Variants in ADCY9 observed in about 807,000 individuals in gnomAD.
ADCY9 encodes adenylate cyclase 9.
A neutral mutation model predicts 101.5 loss-of-function variants in ADCY9; 50 were observed. That is an observed-to-expected ratio of 0.49 (90% CI 0.39 to 0.62). The LOEUF (loss-of-function observed/expected upper bound fraction) is 0.62, where lower values mean the gene tolerates loss of function less well. ADCY9 is among the 20% of genes least tolerant of loss of function. ADCY9 has a pLI of 0.00. For missense variants in ADCY9, 1,662 were observed against 1,800.4 expected (o/e 0.92, Z 1.39); for synonymous variants, 905 against 769.3 (o/e 1.18, Z -2.92).
chr16:4,014,267 C>T (rs926217670), intron 2 of ADCY9, among the ~76,000 whole-genome samples: 3 of 148,376 alleles, frequency 2.0e-5, no homozygotes, highest in Non-Finnish European at 3.0e-5. Context: ...TGCAGTCAGC[C>T]GAGATCGCAC....
At chr16:4,039,634 G>C (rs559389502) in intron 2 of ADCY9, among the ~76,000 whole-genome samples, 1 of 139,344 alleles carries the variant, frequency 7.2e-6, no homozygotes, top group Non-Finnish European at 1.5e-5. Context: ...AGCCGAGATC[G>C]CACCATTTCA....
chr16:4,094,658 A>G (rs2056992073), intron 2 of ADCY9, among the ~76,000 whole-genome samples: 1 of 152,144 alleles, frequency 6.6e-6, no homozygotes, highest in Non-Finnish European at 1.5e-5. Flanking sequence ...GAAGAAAGAA[A>G]AGGAAAAATG....
At chr16:4,073,499 G>A (rs1227550643) in intron 2 of ADCY9, among the ~76,000 whole-genome samples, 3 of 150,182 alleles carry the variant, frequency 2.0e-5, no homozygotes, top group African/African-American at 7.4e-5. Context: ...GGGTTCAAAT[G>A]ACTCTCCTGC....
At chr16:4,000,170 C>A (rs76714069) in intron 3 of ADCY9, among the ~76,000 whole-genome samples, 17 of 152,340 alleles carry the variant, frequency 1.1e-4, no homozygotes, top group African/African-American at 4.1e-4. Flanking sequence ...ACCACAAACA[C>A]AATTTCCTGA....
chr16:4,009,178 C>T (rs1173519864), intron 2 of ADCY9, among the ~76,000 whole-genome samples: 4 of 152,170 alleles, frequency 2.6e-5, no homozygotes, highest in South Asian at 2.1e-4. Context: ...CAGCCTAGAA[C>T]GTAGCCAGGT....
At chr16:3,979,370 G>T in intron 7 of ADCY9, 95 bp from the exon 8 acceptor site, 1 of 1,429,376 alleles carries the variant, frequency 7.0e-7, no homozygotes. Context: ...GCCGCCCTCT[G>T]CTCTCTCCCG....
At chr16:3,971,134 C>G (rs988355694) in intron 10 of ADCY9, among the ~76,000 whole-genome samples, 7 of 152,084 alleles carry the variant, frequency 4.6e-5, no homozygotes, top group African/African-American at 1.7e-4. Flanking sequence ...GGCGGGAGAC[C>G]TGAACAGCCC....
rs763207375 is a variant in ADCY9, at chr16:4,114,141, C to T, written c.1302G>A (p.Lys434=). 5 of 1,613,918 alleles carry T rather than the reference C, an allele frequency of 3.1e-6. No homozygotes were observed. The South Asian group carries it at 4.4e-5, about 14-fold the overall frequency. Reference sequence around the variant, plus strand: ...CTCCCAGGGTGCTGATTTTCTCACACTTGGTCTCCTCACACAGGCGGTCGA... The same window carrying T: ...CTCCCAGGGTGCTGATTTTCTCACATTTGGTCTCCTCACACAGGCGGTCGA... ...GRFDRLCEET[K]CEKISTLGDC... The change falls in exon 2 of 11, where the codon AAG becomes AAA. Residue 434 remains lysine (K), a synonymous_variant. Transcript: ENST00000294016. This position sits in a 1 kb window ranked among gnomAD's most constrained non-coding sequence, Gnocchi z 4.3.
chr16:4,097,999 T>G (rs902504217), intron 2 of ADCY9, among the ~76,000 whole-genome samples: 1 of 152,064 alleles, frequency 6.6e-6, no homozygotes, highest in African/African-American at 2.4e-5. Context: ...GGAAACAGAT[T>G]ATAAACAAAA....
At chr16:3,954,370 C>A (rs2055896667) in intron 5 of ADCY9, among the ~76,000 whole-genome samples, 1 of 152,182 alleles carries the variant, frequency 6.6e-6, no homozygotes, top group Non-Finnish European at 1.5e-5. Context: ...CTCTGGGCCC[C>A]ACACTGGTCT....
intron 2 of ADCY9, among the ~76,000 whole-genome samples, chr16:4,107,737 C>A (rs1046722030): frequency 6.6e-6 from 1 of 152,076 alleles, no homozygotes; most frequent in African/African-American, 2.4e-5. Flanking sequence ...CAAACCAACA[C>A]CTGGCTAGGG....
chr16:4,081,874 G>C (rs2056905625), intron 2 of ADCY9, among the ~76,000 whole-genome samples: 1 of 151,670 alleles, frequency 6.6e-6, no homozygotes, highest in Admixed American at 6.6e-5. Context: ...GCAAGAAAGG[G>C]GGCGGCGGGG....
Position 4,116,020 on chromosome 16 carries a change from G to C in ADCY9, c.-374C>G, listed in dbSNP as rs904739938. The C allele has an allele frequency of 6.4e-6, 1 of 156,122 alleles. No individual in the cohort carries two copies. The highest frequency in any genetic ancestry group is 2.4e-5 in the African/African-American group (1 of 40,976). The allele number at this position is 156,122 out of a possible 1,614,324, so 9.7% of individuals were successfully genotyped here. On this transcript the variant is annotated 5_prime_UTR_variant, in exon 1 of 11. Transcript: ENST00000294016. ...CAGCGAGCTTCGGCGGGCGCCCCCG[G>C]CTCGCGCTCCCCGGCCGCCCCCCGC...
intron 3 of ADCY9, 27 bp downstream of exon 3, chr16:4,007,341 T>G (rs1187033508): frequency 1.3e-6 from 2 of 1,499,858 alleles, no homozygotes; most frequent in African/African-American, 2.8e-5. Context: ...GTTTTAGAAG[T>G]AGGAAAAAAA....
chr16:4,091,661 C>G (rs1186522514), intron 2 of ADCY9, among the ~76,000 whole-genome samples: 1 of 152,226 alleles, frequency 6.6e-6, no homozygotes, highest in African/African-American at 2.4e-5. Context: ...CATGCCACAA[C>G]ATGAATGAAC....
chr16:3,979,654 G>A (rs2056124147), intron 7 of ADCY9, among the ~76,000 whole-genome samples: 1 of 152,234 alleles, frequency 6.6e-6, no homozygotes, highest in Non-Finnish European at 1.5e-5. Context: ...CTTGACGGGG[G>A]CAGCTTTGGA....
At chr16:4,007,667 AGTGAAAAT>A in intron 2 of ADCY9, 109 bp from the exon 3 acceptor site, 1 of 924,324 alleles carries the variant, frequency 1.1e-6, no homozygotes. Context: ...TTGAGAGTAA[AGTGAAAAT>A]GTGAATAGGT....
rs1433457265 is a variant in ADCY9 at position 3,983,035 on chromosome 16, C to T, written c.2519+197G>A. 11 of 604,376 alleles carry T rather than the reference C, an allele frequency of 1.8e-5. No homozygotes were observed. In the East Asian group the frequency reaches 3.1e-4, roughly 17 times the overall value. 37.4% of individuals were successfully genotyped at this position (604,376 alleles called of 1,614,324 possible). ...CACCGCCCCCTCCAGCGAGGTGGTC[C>T]CCCCGCATCTGGGCCAACGTCAGGG... On this transcript the variant is annotated intron_variant, in intron 7 of 10. Transcript: ENST00000294016.
chr16:4,113,634 A>C, intron 2 of ADCY9, 116 bp downstream of exon 2: 1 of 1,338,504 alleles, frequency 7.5e-7, no homozygotes, highest in Admixed American at 2.3e-5. Context: ...CCCCCATGGT[A>C]AGGCATTCTG....
Sources: allele counts gnomAD v4.1 joint callset (sites outside exome capture counted in the v4.1 genomes callset), GRCh38; gene constraint gnomAD v4.1.1; non-coding constraint Gnocchi (gnomAD v3.1); transcripts MANE v1.5; gene names NCBI Gene and HGNC (gene_info 2026-07-23, HGNC 2026-07-21).